ZNF704: variants seen among roughly 807,000 people sequenced by gnomAD.
The protein encoded by ZNF704 is zinc finger protein 704.
In ZNF704, 10 loss-of-function variants were observed where a neutral mutation model predicts 44.7. That is an observed-to-expected ratio of 0.22 (90% CI 0.14 to 0.38). ZNF704 has a LOEUF of 0.38. Among genes scored for constraint, ZNF704 ranks in the 10% least tolerant of loss-of-function variants. The pLI is 1.00. For synonymous variants in ZNF704, 211 were observed against 207.6 expected, an observed-to-expected ratio of 1.02 and a Z score of -0.14; for missense variants, 390 against 545.5, an observed-to-expected ratio of 0.71 and a Z score of 2.84.
At chr8:80,802,137 T>C (rs1807911942) in intron 2 of ZNF704, among the ~76,000 whole-genome samples, 1 of 125,498 alleles carries the variant, frequency 8.0e-6, no homozygotes, top group Admixed American at 9.2e-5. Flanking sequence ...AGAAACAGAA[T>C]CCCTGAATAG....
intron 6 of ZNF704, 49 bp from the exon 7 acceptor site, chr8:80,659,738 C>A (rs369728441): frequency 1.3e-6 from 2 of 1,558,368 alleles, no homozygotes; most frequent in South Asian, 1.1e-5. Context: ...TATTTTCCTT[C>A]GGAGCTTTAA....
intron 2 of ZNF704, among the ~76,000 whole-genome samples, chr8:80,769,130 A>G (rs2131728329): frequency 6.6e-6 from 1 of 152,318 alleles, no homozygotes; most frequent in East Asian, 1.9e-4. Context: ...GATTCTAAAG[A>G]ACTCTATTAG....
chr8:80,870,717 G>A (rs1421147674), intron 1 of ZNF704, among the ~76,000 whole-genome samples: 1 of 151,994 alleles, frequency 6.6e-6, no homozygotes, highest in Non-Finnish European at 1.5e-5. Context: ...CAGGCCCCAG[G>A]CTCTCCTCTC....
intron 2 of ZNF704, among the ~76,000 whole-genome samples, chr8:80,756,905 G>C (rs150579049): frequency 3.5e-4 from 54 of 152,314 alleles, no homozygotes; most frequent in African/African-American, 1.2e-3. Context: ...AGCAAGAAGA[G>C]TGTGCAAAGG....
chr8:80,813,883 A>G (rs762307408), intron 2 of ZNF704, among the ~76,000 whole-genome samples: 6 of 152,276 alleles, frequency 3.9e-5, no homozygotes, highest in Non-Finnish European at 8.8e-5. Flanking sequence ...TGTCTCAAAA[A>G]AAAAGAAAAG....
At chr8:80,650,790 T>G (rs960402989) in intron 7 of ZNF704, among the ~76,000 whole-genome samples, 2 of 152,124 alleles carry the variant, frequency 1.3e-5, no homozygotes, top group African/African-American at 2.4e-5. Context: ...GGCAGGCCAA[T>G]ATTCAAATTC....
intron 1 of ZNF704, among the ~76,000 whole-genome samples, chr8:80,846,784 C>T (rs576627853): frequency 6.6e-6 from 1 of 152,240 alleles, no homozygotes; most frequent in African/African-American, 2.4e-5. Context: ...CCTAAAGATA[C>T]CCAGCTCAGC....
At chr8:80,836,927 G>A (rs1456134217) in intron 1 of ZNF704, among the ~76,000 whole-genome samples, 2 of 151,930 alleles carry the variant, frequency 1.3e-5, no homozygotes, top group Admixed American at 6.5e-5. Context: ...CAGAATATTC[G>A]CTCCATGAAG....
chr8:80,723,861 C>T (rs1806425077), intron 2 of ZNF704, among the ~76,000 whole-genome samples: 1 of 152,152 alleles, frequency 6.6e-6, no homozygotes, highest in Admixed American at 6.6e-5. Context: ...ACTGGTTAAT[C>T]CAGGGAGCCG....
At chr8:80,658,260 A>C (rs1018120497) in intron 7 of ZNF704, among the ~76,000 whole-genome samples, 3 of 152,146 alleles carry the variant, frequency 2.0e-5, no homozygotes, top group African/African-American at 7.2e-5. Context: ...CAAAGGCAGG[A>C]ATTAATAGGA....
chr8:80,649,073 T>C (rs181117332), intron 7 of ZNF704, among the ~76,000 whole-genome samples: 40 of 152,350 alleles, frequency 2.6e-4, no homozygotes, highest in African/African-American at 7.9e-4. Flanking sequence ...TTATAAAGCA[T>C]ATAATGTGCT....
chr8:80,758,239 G>A (rs1416918219), intron 2 of ZNF704, among the ~76,000 whole-genome samples: 3 of 152,148 alleles, frequency 2.0e-5, no homozygotes, highest in African/African-American at 4.8e-5. Flanking sequence ...CACAGGAACC[G>A]GCAAGCGGAG....
At chr8:80,823,035 G>A (rs530825248) in intron 1 of ZNF704, among the ~76,000 whole-genome samples, 2 of 152,236 alleles carry the variant, frequency 1.3e-5, no homozygotes, top group South Asian at 2.1e-4. Flanking sequence ...CAGAAGACAG[G>A]GGATTTCTGC....
chr8:80,822,616 C>T (rs1013512176), intron 1 of ZNF704, among the ~76,000 whole-genome samples: 4 of 152,142 alleles, frequency 2.6e-5, no homozygotes, highest in Non-Finnish European at 5.9e-5. Flanking sequence ...CCTGAGGAAT[C>T]GCCACACTGA....
chr8:80,856,722 A>T (rs1294530323), intron 1 of ZNF704, among the ~76,000 whole-genome samples: 1 of 152,178 alleles, frequency 6.6e-6, no homozygotes, highest in Non-Finnish European at 1.5e-5. Flanking sequence ...TCTATCTTGT[A>T]GCATCAGTAG....
intron 7 of ZNF704, among the ~76,000 whole-genome samples, chr8:80,649,088 C>T (rs1304403454): frequency 6.6e-6 from 1 of 152,160 alleles, no homozygotes; most frequent in Admixed American, 6.5e-5. Flanking sequence ...TGTGCTTGGA[C>T]AGTATAATAT....
intron 6 of ZNF704, among the ~76,000 whole-genome samples, chr8:80,661,359 T>C (rs1322005549): frequency 6.6e-6 from 1 of 152,188 alleles, no homozygotes; most frequent in African/African-American, 2.4e-5. Flanking sequence ...TGTAAATTAA[T>C]ACACCTATTA....
intron 1 of ZNF704, among the ~76,000 whole-genome samples, chr8:80,821,871 G>T (rs979853378): frequency 6.6e-6 from 1 of 152,008 alleles, no homozygotes; most frequent in African/African-American, 2.4e-5. Flanking sequence ...CAAAAACAAA[G>T]ATTTGAAAAG....
At chr8:80,673,452 A>G (rs772494116) in intron 4 of ZNF704, 2 of 152,216 alleles carry the variant, frequency 1.3e-5, no homozygotes, top group Non-Finnish European at 2.9e-5. Flanking sequence ...GGGTTGTTCC[A>G]ATAGTAAGCC....
Sources: gnomAD v4.1 joint callset for allele counts (sites outside exome capture counted in the v4.1 genomes callset) on GRCh38, gnomAD v4.1.1 for gene constraint, MANE v1.5 for transcripts, NCBI Gene and HGNC (gene_info 2026-07-23, HGNC 2026-07-21) for gene names.